The following SAXO3 variants were observed in gnomAD, a reference collection of about 807,000 sequenced individuals.
SAXO3 encodes the protein CTB-60B18.10.
chr19:49,019,883 G>A, the SAXO3 span: 14 of 1,385,112 alleles, frequency 1.0e-5, no homozygotes, highest in East Asian at 2.6e-5. Flanking sequence ...TGTCCCCTGC[G>A]GACTCCGGCA....
chr19:49,020,472 G>C, the SAXO3 span: 1 of 399,076 alleles, frequency 2.5e-6, no homozygotes, highest in Non-Finnish European at 4.4e-6. Context: ...AGGTACCTCG[G>C]TTGCAGAGAT....
At chr19:49,019,083 C>A in the SAXO3 span, 2 of 1,451,972 alleles carry the variant, frequency 1.4e-6, no homozygotes, top group Admixed American at 2.4e-5. Context: ...GTTCAGAATC[C>A]CTCTCCTTCG....
chr19:49,020,517 G>A, the SAXO3 span: 2 of 398,642 alleles, frequency 5.0e-6, no homozygotes, highest in African/African-American at 4.1e-5. Flanking sequence ...ACTGGCCATG[G>A]TTCCACCCCC....
chr19:49,018,964 C>T, the SAXO3 span: 1 of 1,534,076 alleles, frequency 6.5e-7, no homozygotes, highest in Non-Finnish European at 8.7e-7. Context: ...AAAGGCCGGC[C>T]AGACAGCTCG....
chr19:49,018,624 T>C, the SAXO3 span, among the ~76,000 whole-genome samples: 1 of 151,722 alleles, frequency 6.6e-6, no homozygotes, highest in Non-Finnish European at 1.5e-5. Flanking sequence ...TGCCCTCAGA[T>C]CCGGAATCCC....
the SAXO3 span, chr19:49,020,093 G>C: frequency 1.0e-5 from 14 of 1,349,146 alleles, no homozygotes; most frequent in African/African-American, 6.1e-5. Context: ...TTGGGGTAGA[G>C]GGTCCGCGAC....
the SAXO3 span, chr19:49,019,656 A>C: frequency 5.9e-4 from 735 of 1,248,318 alleles, 2 homozygotes; most frequent in East Asian, 4.1e-3. Flanking sequence ...CCTGGGAAGG[A>C]CCCCCGCGGT....
chr19:49,020,333 G>T, the SAXO3 span: 2 of 414,662 alleles, frequency 4.8e-6, no homozygotes, highest in Non-Finnish European at 8.5e-6. Flanking sequence ...TATCTTTCTG[G>T]GTCTCCAGGC....
chr19:49,019,561 G>C, the SAXO3 span: 37 of 1,178,746 alleles, frequency 3.1e-5, no homozygotes, highest in Non-Finnish European at 3.9e-5. Flanking sequence ...CTTTAGCCAC[G>C]CCCCAAAGCC....
the SAXO3 span, chr19:49,019,628 C>A: frequency 3.2e-6 from 4 of 1,256,114 alleles, no homozygotes; most frequent in Non-Finnish European, 4.0e-6. Context: ...CTCGCCGGCG[C>A]CGGCTTCCAC....
chr19:49,018,252 G>T, the SAXO3 span: 2 of 925,954 alleles, frequency 2.2e-6, no homozygotes, highest in Non-Finnish European at 2.8e-6. Flanking sequence ...CAGGGCGGCC[G>T]CTGCGGGCCG....
At chr19:49,020,300 C>G in the SAXO3 span, 8 of 433,480 alleles carry the variant, frequency 1.8e-5, no homozygotes, top group Non-Finnish European at 3.2e-5. Context: ...AGTCCAAGCT[C>G]CCAATCCGCT....
the SAXO3 span, chr19:49,018,406 G>A: frequency 1.0e-6 from 1 of 968,320 alleles, no homozygotes; most frequent in Non-Finnish European, 1.3e-6. Flanking sequence ...CAGACCTCGG[G>A]ATCTAAGGAG....
At chr19:49,018,914 G>T in the SAXO3 span, 13 of 1,534,446 alleles carry the variant, frequency 8.5e-6, no homozygotes, top group African/African-American at 1.4e-5. Context: ...TGGTCAGATA[G>T]AGCTGGCGGC....
the SAXO3 span, chr19:49,018,180 T>C: frequency 2.4e-6 from 1 of 420,568 alleles, no homozygotes. Flanking sequence ...ATGGCCGAGG[T>C]CACCGGGCTG....
the SAXO3 span, chr19:49,019,687 G>A: frequency 8.1e-7 from 1 of 1,235,348 alleles, no homozygotes; most frequent in Non-Finnish European, 1.0e-6. Context: ...GAGTTGTGGG[G>A]GCTGGGGCCC....
chr19:49,019,138 G>C, the SAXO3 span: 1 of 1,416,426 alleles, frequency 7.1e-7, no homozygotes, highest in Non-Finnish European at 9.2e-7. Context: ...CCCGCCCCAG[G>C]GTTAGAGCCC....
the SAXO3 span, chr19:49,018,811 G>A: frequency 6.4e-6 from 9 of 1,396,162 alleles, no homozygotes; most frequent in Admixed American, 9.9e-5. Context: ...CCAGGGGCTC[G>A]GCGTGCACCG....
At chr19:49,019,117 G>A in the SAXO3 span, 5 of 1,432,684 alleles carry the variant, frequency 3.5e-6, no homozygotes, top group African/African-American at 1.4e-5. Flanking sequence ...TGACGGCCAC[G>A]GCCCTCACAC....
Sources: gnomAD v4.1 joint callset for allele counts (sites outside exome capture counted in the v4.1 genomes callset) on GRCh38, gnomAD v4.1.1 for gene constraint, MANE v1.5 for transcripts, NCBI Gene and HGNC (gene_info 2026-07-23, HGNC 2026-07-21) for gene names.